Variants in RP1 observed in about 807,000 individuals in gnomAD.
RP1 encodes oxygen-regulated protein 1.
A neutral mutation model predicts 14.8 loss-of-function variants in RP1; 16 were observed. That is an observed-to-expected ratio of 1.08 (90% CI 0.73 to 1.65). RP1 has a LOEUF of 1.65. RP1 is among the 40% of genes most tolerant of loss of function. RP1 has a pLI of 0.00. For missense variants in RP1, 2,631 were observed against 2,535.0 expected (o/e 1.04, Z -0.81); for synonymous variants, 876 against 883.6 (o/e 0.99, Z 0.15).
chr8:54,644,837 T>C (rs935619655), intron 3 of RP1, among the ~76,000 whole-genome samples: 1 of 152,144 alleles, frequency 6.6e-6, no homozygotes, highest in Non-Finnish European at 1.5e-5. Context: ...CTGAGGGACA[T>C]CCTGTTCTGT....
At chr8:54,580,683 A>G (rs546235556) in intron 1 of RP1, among the ~76,000 whole-genome samples, 10 of 149,584 alleles carry the variant, frequency 6.7e-5, no homozygotes, top group African/African-American at 2.5e-4. Flanking sequence ...CAGTGGCACA[A>G]TCTTTGCTCA....
At chr8:54,679,389 G>GA (rs1324051780) in intron 9 of RP1, 1 of 1,520,154 alleles carries the variant, frequency 6.6e-7, no homozygotes. Flanking sequence ...TATAAAGTCT[G>GA]AAAATAATCG....
downstream of RP1, among the ~76,000 whole-genome samples, chr8:54,770,781 T>C (rs951322066): frequency 3.3e-5 from 5 of 151,752 alleles, no homozygotes; most frequent in African/African-American, 1.2e-4. Flanking sequence ...TTGTACTTTT[T>C]AAAAAACTTA....
At chr8:54,693,751 A>G (rs1412863231) in intron 12 of RP1, among the ~76,000 whole-genome samples, 1 of 152,224 alleles carries the variant, frequency 6.6e-6, no homozygotes, top group African/African-American at 2.4e-5. Flanking sequence ...ATATACAATC[A>G]TGTCATCTGC....
intron 1 of RP1, among the ~76,000 whole-genome samples, chr8:54,591,740 G>A (rs1366691800): frequency 6.6e-6 from 1 of 152,130 alleles, no homozygotes; most frequent in Non-Finnish European, 1.5e-5. Context: ...ATCTGGATTA[G>A]GCTGGGTTTA....
chr8:54,781,237 T>G (rs1810178648), intron 23 of RP1, among the ~76,000 whole-genome samples: 1 of 152,166 alleles, frequency 6.6e-6, no homozygotes, highest in Admixed American at 6.5e-5. Context: ...CGAACTTTTT[T>G]TAAACCTTTC....
chr8:54,680,483 A>G (rs2129335506), intron 12 of RP1, among the ~76,000 whole-genome samples: 1 of 152,304 alleles, frequency 6.6e-6, no homozygotes, highest in Middle Eastern at 3.4e-3. Flanking sequence ...TTGGATCTTC[A>G]TTATTTAAAC....
At chr8:54,679,724 T>A (rs1222990371) in intron 11 of RP1, 2 of 1,518,300 alleles carry the variant, frequency 1.3e-6, no homozygotes, top group South Asian at 1.2e-5. Flanking sequence ...GTTTAGTAAG[T>A]GCTGTTTCTT....
chr8:54,856,326 G>A (rs1293280682), intron 26 of RP1, among the ~76,000 whole-genome samples: 1 of 152,164 alleles, frequency 6.6e-6, no homozygotes, highest in Non-Finnish European at 1.5e-5. Context: ...GGGGTCTTAG[G>A]TGCTGATAAG....
chr8:54,642,436 G>T (rs1309855737), intron 3 of RP1, among the ~76,000 whole-genome samples: 1 of 152,014 alleles, frequency 6.6e-6, no homozygotes, highest in African/African-American at 2.4e-5. Flanking sequence ...TATTTATAAA[G>T]GTATCTTAAG....
chr8:54,747,363 C>T (rs1268090562), intron 19 of RP1, among the ~76,000 whole-genome samples: 1 of 152,194 alleles, frequency 6.6e-6, no homozygotes, highest in Admixed American at 6.6e-5. Context: ...AGGGAGCCCA[C>T]ATTTGCTCTT....
intron 19 of RP1, among the ~76,000 whole-genome samples, chr8:54,744,950 C>A (rs1257884713): frequency 3.3e-5 from 5 of 152,114 alleles, no homozygotes; most frequent in Non-Finnish European, 7.4e-5. Context: ...GAGAGCACAT[C>A]AAGTCTCTCC....
intron 3 of RP1, among the ~76,000 whole-genome samples, chr8:54,646,612 C>A (rs1806555843): frequency 6.6e-6 from 1 of 152,148 alleles, no homozygotes; most frequent in Non-Finnish European, 1.5e-5. Context: ...GATTCTACTC[C>A]AGTTTTTATG....
At chr8:54,580,720 G>A (rs1804770619) in intron 1 of RP1, among the ~76,000 whole-genome samples, 1 of 151,670 alleles carries the variant, frequency 6.6e-6, no homozygotes, top group Admixed American at 6.6e-5. Flanking sequence ...CTGGGTTCAA[G>A]TGATTCTCCT....
At chr8:54,845,745 T>C (rs562234405) in intron 25 of RP1, among the ~76,000 whole-genome samples, 2 of 152,238 alleles carry the variant, frequency 1.3e-5, no homozygotes, top group South Asian at 2.1e-4. Flanking sequence ...TAATTTATTA[T>C]CACTTCCTAT....
chr8:54,660,643 A>G (rs1033561220), intron 6 of RP1, among the ~76,000 whole-genome samples: 1 of 151,960 alleles, frequency 6.6e-6, no homozygotes, highest in Non-Finnish European at 1.5e-5. Flanking sequence ...GCCTGGGTGC[A>G]GGAACCTCTT....
chr8:54,816,265 C>A (rs1811130212), intron 24 of RP1, among the ~76,000 whole-genome samples: 1 of 152,036 alleles, frequency 6.6e-6, no homozygotes, highest in Non-Finnish European at 1.5e-5. Flanking sequence ...AATTAAGAAC[C>A]CATAAAAATG....
chr8:54,770,589 C>T (rs951111772), downstream of RP1, among the ~76,000 whole-genome samples: 17 of 147,470 alleles, frequency 1.2e-4, no homozygotes, highest in Admixed American at 7.4e-4. Context: ...AAGAAATACT[C>T]AACTTGTAAT....
intron 24 of RP1, among the ~76,000 whole-genome samples, chr8:54,787,146 T>TAGAC (rs1329943731): frequency 6.6e-6 from 1 of 152,134 alleles, no homozygotes; most frequent in Non-Finnish European, 1.5e-5. Flanking sequence ...ATACCCTCTA[T>TAGAC]AGACTATAGA....
Sources: allele counts gnomAD v4.1 joint callset (sites outside exome capture counted in the v4.1 genomes callset), GRCh38; gene constraint gnomAD v4.1.1; transcripts MANE v1.5; gene names NCBI Gene and HGNC (gene_info 2026-07-23, HGNC 2026-07-21).